The following TMEM255B variants were observed in gnomAD, a reference collection of about 807,000 sequenced individuals.
TMEM255B encodes transmembrane protein 255B.
Under a neutral mutation model 34.5 loss-of-function variants are expected in TMEM255B, and 35 were observed. That is an observed-to-expected ratio of 1.01 (90% CI 0.77 to 1.34). The LOEUF (loss-of-function observed/expected upper bound fraction) is 1.34. Among genes scored for constraint, TMEM255B ranks in the 40% most tolerant of loss-of-function variants. TMEM255B has a pLI of 0.00. For synonymous variants in TMEM255B, 206 were observed against 201.2 expected, an observed-to-expected ratio of 1.02 and a Z score of -0.20; for missense variants, 432 against 433.2, an observed-to-expected ratio of 1.00 and a Z score of 0.02.
Position 113,766,174 on chromosome 13 carries a change from TC to T in TMEM255B, c.108del (p.Val37SerfsTer3). The stretch of plus-strand genomic sequence containing the variant: ...GTTTGTGGGGTCTCTGCTGCTGGTG[TC>T]CGTCCTCATAGTCACCGTCGGGCTG... ...LWFVGSLLLV[S>X]VLIVTVGLAA... On this transcript the variant is annotated frameshift_variant, in exon 2 of 9. Coordinates refer to ENST00000375353, the MANE Select transcript of TMEM255B (RefSeq NM_182614.4). LOFTEE classifies it high-confidence loss of function. The T allele has an allele frequency of 6.2e-7, 1 of 1,614,220 alleles. No individual in the cohort carries two copies. The highest frequency in any genetic ancestry group is 8.5e-7 in the Non-Finnish European group (1 of 1,180,034).
At position 113,804,871 on chromosome 13, in the gene TMEM255B, CCT is replaced by C. The variant is rs1399135829; in HGVS notation, c.670-10_670-9del. ...GGGGGTACACGCCGACCACCCGTCTCCTCTCCATGGCAGGTGCCTCTGTCCCA... is the reference window on the plus strand; with the variant it reads ...GGGGGTACACGCCGACCACCCGTCTCCTCCATGGCAGGTGCCTCTGTCCCA... On this transcript the variant is annotated splice_polypyrimidine_tract_variant and intron_variant, in intron 7 of 8. Transcript: ENST00000375353. The C allele has an allele frequency of 6.3e-7, 1 of 1,592,864 alleles. No individual in the cohort carries two copies. The highest frequency in any genetic ancestry group is 8.5e-7 in the Non-Finnish European group (1 of 1,175,324).
At chr13:113,782,672 C>CGGGG (rs770261684) in intron 3 of TMEM255B, among the ~76,000 whole-genome samples, 2 of 138,080 alleles carry the variant, frequency 1.4e-5, no homozygotes, top group African/African-American at 5.5e-5. Flanking sequence ...CTGTGATGGT[C>CGGGG]GGAGGGGGGG....
intron 4 of TMEM255B, among the ~76,000 whole-genome samples, chr13:113,798,369 A>C (rs548593011): frequency 6.6e-6 from 1 of 151,498 alleles, no homozygotes; most frequent in African/African-American, 2.4e-5. Context: ...GAATAGAAGG[A>C]TGGATAATGG....
intron 1 of TMEM255B, 51 bp downstream of exon 1, chr13:113,759,366 A>T (rs2050254207): frequency 8.2e-7 from 1 of 1,225,842 alleles, no homozygotes. Context: ...GAGCGTGGGG[A>T]CCCCGGGGCT....
chr13:113,808,183 A>C (rs962669743), intron 8 of TMEM255B, among the ~76,000 whole-genome samples: 15 of 152,158 alleles, frequency 9.9e-5, no homozygotes, highest in Admixed American at 3.9e-4. Flanking sequence ...TTAGCAGCAG[A>C]AAATACTCCC....
At chr13:113,800,098 G>C (rs1323744882) in intron 5 of TMEM255B, 15 of 1,165,800 alleles carry the variant, frequency 1.3e-5, no homozygotes, top group South Asian at 6.5e-5. Context: ...GTGTGTGTGG[G>C]GGGGGGTAGG....
rs2051374695 is a variant in TMEM255B at position 113,813,870 on chromosome 13, C to T, written c.*1967C>T. 1 of 152,250 alleles carries T rather than the reference C, an allele frequency of 6.6e-6. No individual in the cohort carries two copies. The highest frequency in any genetic ancestry group is 2.4e-5 in the African/African-American group (1 of 41,470). The allele number at this position is 152,250 out of a possible 1,614,324, so 9.4% of individuals were successfully genotyped here. ...CCTTGAACCAGTCCGGGAGGTCGGG[C>T]ACGAGCCGGAGGTGCGGCGTCCTGT... On this transcript the variant is annotated 3_prime_UTR_variant, in exon 9 of 9. Coordinates refer to ENST00000375353, the MANE Select transcript of TMEM255B (RefSeq NM_182614.4).
chr13:113,800,047 AGCT>A, intron 5 of TMEM255B: 1 of 1,205,672 alleles, frequency 8.3e-7, no homozygotes, highest in South Asian at 1.5e-5. Flanking sequence ...ACTCTCCAGC[AGCT>A]GCCGGGAGGC....
chr13:113,799,703 T>C (rs907412956), intron 5 of TMEM255B: 14 of 693,750 alleles, frequency 2.0e-5, no homozygotes, highest in Non-Finnish European at 3.2e-5. Context: ...ATTAGCATTT[T>C]TCTAATTTAA....
At chr13:113,790,400 G>A (rs376732846) in intron 3 of TMEM255B, among the ~76,000 whole-genome samples, 4 of 63,356 alleles carry the variant, frequency 6.3e-5, no homozygotes, top group East Asian at 1.4e-3. Flanking sequence ...TGGACTGACC[G>A]GACACGTGGA....
chr13:113,782,579 C>T (rs1594134528), intron 3 of TMEM255B, among the ~76,000 whole-genome samples: 1 of 151,276 alleles, frequency 6.6e-6, no homozygotes, highest in Non-Finnish European at 1.5e-5. Flanking sequence ...CCCTGGGTTC[C>T]GTGGACTCAC....
chr13:113,796,678 C>G (rs1416664179), intron 4 of TMEM255B, among the ~76,000 whole-genome samples: 1 of 152,202 alleles, frequency 6.6e-6, no homozygotes, highest in African/African-American at 2.4e-5. Context: ...CGCCATCCCC[C>G]CTCCTCCCTG....
chr13:113,789,163 G>T lies in TMEM255B; in HGVS notation c.253-5985G>T, dbSNP rs1433615488. Among the ~76,000 whole-genome samples, 7 of 143,720 alleles carry T rather than the reference G, an allele frequency of 4.9e-5. No homozygotes were observed. In the South Asian group the frequency reaches 8.9e-4, roughly 18 times the overall value. 94.3% of individuals were successfully genotyped at this position (143,720 alleles called of 152,430 possible). On this transcript the variant is annotated intron_variant, in intron 3 of 8. Transcript: ENST00000375353. ...TCACCATGACCTTATGCTCAGTGTG[G>T]TTTTTTTTTTTTTGTAAATCTACTT...
chr13:113,785,406 C>T (rs2050725783), intron 3 of TMEM255B, among the ~76,000 whole-genome samples: 1 of 152,212 alleles, frequency 6.6e-6, no homozygotes, highest in Non-Finnish European at 1.5e-5. Flanking sequence ...GGCTTGCGGG[C>T]TTCCCTCACC....
chr13:113,761,144 C>A, intron 1 of TMEM255B: 2 of 965,608 alleles, frequency 2.1e-6, no homozygotes, highest in Non-Finnish European at 1.2e-6. Flanking sequence ...GACACCATGA[C>A]TGGTGTCCCC....
rs1402789165 is a variant in TMEM255B at position 113,814,457 on chromosome 13, C to G, written c.*2554C>G. The G allele has an allele frequency of 6.6e-6, 1 of 152,276 alleles. No individual in the cohort carries two copies. The highest frequency in any genetic ancestry group is 1.5e-5 in the Non-Finnish European group (1 of 68,054). 9.4% of individuals were successfully genotyped at this position (152,276 alleles called of 1,614,324 possible). A position where few individuals can be genotyped will look rare whatever the true frequency, so the allele number is the denominator to read the frequency against. On this transcript the variant is annotated 3_prime_UTR_variant, in exon 9 of 9. Transcript: ENST00000375353. ...CAAAAATATTCAACTCCAAGGTCAA[C>G]AGTTTTGTTCTTGCCACAAAAATGT... is the stretch of plus-strand genomic sequence containing the variant.
chr13:113,804,067 C>T (rs923610498), intron 7 of TMEM255B, among the ~76,000 whole-genome samples: 1 of 152,168 alleles, frequency 6.6e-6, no homozygotes, highest in Non-Finnish European at 1.5e-5. Context: ...GGAGGGGCAC[C>T]TGTGTGAAGG....
intron 3 of TMEM255B, among the ~76,000 whole-genome samples, chr13:113,787,050 C>T (rs1370183348): frequency 6.6e-6 from 1 of 152,206 alleles, no homozygotes; most frequent in African/African-American, 2.4e-5. Flanking sequence ...TTCGTTGTTT[C>T]ATACCTGGAC....
Position 113,803,811 on chromosome 13 carries a change from G to A in TMEM255B, c.670-1074G>A, listed in dbSNP as rs573724137. ...TGCCCCTTCCCACCTTCCAGTGCCC[G>A]CTGGGCAGGGGGCTCCCTCCCAGCC... On this transcript the variant is annotated intron_variant, in intron 7 of 8. Transcript: ENST00000375353. 7.2e-5 allele frequency among the ~76,000 whole-genome samples: 7 copies of A among 97,612 alleles called. No homozygotes were observed. In the South Asian group the frequency reaches 2.5e-3, roughly 35 times the overall value. 64.0% of individuals were successfully genotyped at this position (97,612 alleles called of 152,430 possible).
Sources: allele counts gnomAD v4.1 joint callset (sites outside exome capture counted in the v4.1 genomes callset), GRCh38; gene constraint gnomAD v4.1.1; transcripts MANE v1.5; gene names NCBI Gene and HGNC (gene_info 2026-07-23, HGNC 2026-07-21).